Variants in NFYC observed in about 807,000 individuals in gnomAD.
The protein encoded by NFYC is CAAT box DNA-binding protein subunit C.
A neutral mutation model predicts 53.1 loss-of-function variants in NFYC; 25 were observed. The observed-to-expected ratio is 0.47, with a 90% CI of 0.34 to 0.66. The LOEUF is 0.66. Ranked by LOEUF, NFYC falls within the 30% of genes least tolerant of loss-of-function variation. The probability of loss-of-function intolerance (pLI) is 0.01; values close to 1 mark genes in which losing one functional copy is unlikely to be tolerated. For synonymous variants in NFYC, 145 were observed against 152.6 expected, an observed-to-expected ratio of 0.95 and a Z score of 0.37; for missense variants, 260 against 422.7, an observed-to-expected ratio of 0.62 and a Z score of 3.38.
chr1:40,754,429 T>G (rs1485494658), intron 5 of NFYC: 1 of 534,030 alleles, frequency 1.9e-6, no homozygotes, highest in Non-Finnish European at 3.8e-6. Flanking sequence ...GTCGGATGTT[T>G]ACAGCGGCAG....
chr1:40,726,658 C>G (rs1644533657), intron 1 of NFYC, among the ~76,000 whole-genome samples: 1 of 152,144 alleles, frequency 6.6e-6, no homozygotes, highest in South Asian at 2.1e-4. Flanking sequence ...CTGAAGTGAT[C>G]CTCTTGCCCT....
At chr1:40,706,899 G>T (rs1199863162) in intron 1 of NFYC, among the ~76,000 whole-genome samples, 1 of 152,188 alleles carries the variant, frequency 6.6e-6, no homozygotes. Context: ...GCCGGGCGTG[G>T]TGGCTCATGC....
At chr1:40,740,657 A>G (rs1253405715) in intron 2 of NFYC, among the ~76,000 whole-genome samples, 3 of 152,334 alleles carry the variant, frequency 2.0e-5, no homozygotes, top group East Asian at 1.9e-4. Flanking sequence ...GAAGGGAGGA[A>G]TAAATGAAAT....
intron 1 of NFYC, among the ~76,000 whole-genome samples, chr1:40,737,728 C>T (rs928514062): frequency 5.3e-5 from 8 of 151,998 alleles, no homozygotes; most frequent in South Asian, 2.1e-4. Flanking sequence ...AAGAACTGGG[C>T]GAACTGGCAA....
chr1:40,722,987 A>ATT (rs1172767033), intron 1 of NFYC, among the ~76,000 whole-genome samples: 1 of 152,226 alleles, frequency 6.6e-6, no homozygotes, highest in African/African-American at 2.4e-5. Flanking sequence ...GAGCTTTTGC[A>ATT]TTTTGACTCA....
chr1:40,710,410 C>G (rs1643893126), intron 1 of NFYC, among the ~76,000 whole-genome samples: 1 of 152,042 alleles, frequency 6.6e-6, no homozygotes, highest in African/African-American at 2.4e-5. Context: ...TATCTTTTGC[C>G]CTTGATATGT....
At chr1:40,757,231 C>G (rs929006258) in intron 5 of NFYC, 1 of 424,200 alleles carries the variant, frequency 2.4e-6, no homozygotes, top group Non-Finnish European at 5.2e-6. Flanking sequence ...GGATCAGACG[C>G]CGTTCTGTGT....
rs190265961 is a variant in NFYC, at chr1:40,730,624, A to G, written c.-8-8212A>G. 25 of 984,246 alleles carry G rather than the reference A, an allele frequency of 2.5e-5. No homozygotes were observed. In the East Asian group the frequency reaches 1.9e-3, roughly 76 times the overall value. 61.0% of individuals were successfully genotyped at this position (984,246 alleles called of 1,614,324 possible). On this transcript the variant is annotated intron_variant, in intron 1 of 9. Coordinates refer to ENST00000447388, the MANE Select transcript of NFYC (RefSeq NM_014223.5). ...TGAAGAAGGTAAGTGCCTTGATCAT[A>G]GAGAGATACTTGTTGACATGTTAAG... is the stretch of plus-strand genomic sequence containing the variant.
In NFYC at chr1:40,748,460, G is replaced by C. The variant is rs567373217; in HGVS notation, c.177+855G>C. 5.9e-5 allele frequency among the ~76,000 whole-genome samples: 9 copies of C among 152,260 alleles called. 1 individual carries two copies. Among genetic ancestry groups the C allele is most frequent in the African/African-American group, 2.2e-4 (9 of 41,550 alleles). On this transcript the variant is annotated intron_variant, in intron 3 of 9. Coordinates refer to ENST00000447388, the MANE Select transcript of NFYC (RefSeq NM_014223.5). ...CTGGTATCTCACAGTTCTGTTCACAGTGTAGTATATACATGTATCATCAAA... is the reference window on the plus strand; with the variant it reads ...CTGGTATCTCACAGTTCTGTTCACACTGTAGTATATACATGTATCATCAAA...
chr1:40,730,880 G>T (rs1254594610), intron 1 of NFYC, among the ~76,000 whole-genome samples: 2 of 152,212 alleles, frequency 1.3e-5, no homozygotes, highest in Non-Finnish European at 2.9e-5. Flanking sequence ...AGACAATGTT[G>T]TTTGATTATA....
At position 40,738,878 on chromosome 1, in the gene NFYC, GC is replaced by G; in HGVS notation, c.36del (p.Ser12ArgfsTer22). On this transcript the variant is annotated frameshift_variant, in exon 2 of 10. Coordinates refer to ENST00000447388, the MANE Select transcript of NFYC (RefSeq NM_014223.5). LOFTEE classifies it high-confidence loss of function. ...STEGGFGGTS[S>X]SDAQQSLQSF... Reference sequence around the variant, plus strand: ...GAAGGAGGATTTGGTGGTACTAGCAGCAGTGATGCCCAGCAAAGCCTACAGT... The same window carrying G: ...GAAGGAGGATTTGGTGGTACTAGCAGAGTGATGCCCAGCAAAGCCTACAGT... The G allele has an allele frequency of 6.2e-7, 1 of 1,614,126 alleles. No homozygotes were observed. The highest frequency in any genetic ancestry group is 1.1e-5 in the South Asian group (1 of 91,084).
At chr1:40,732,629 G>A (rs1387703643) in intron 1 of NFYC, among the ~76,000 whole-genome samples, 1 of 152,200 alleles carries the variant, frequency 6.6e-6, no homozygotes, top group African/African-American at 2.4e-5. Flanking sequence ...TGGCCAGGCA[G>A]AGGTATTTAT....
chr1:40,763,863 G>A (rs987262945), intron 7 of NFYC, among the ~76,000 whole-genome samples: 1 of 152,172 alleles, frequency 6.6e-6, no homozygotes, highest in Non-Finnish European at 1.5e-5. Context: ...AGGCCCAAAG[G>A]CCCTGTGAGG....
chr1:40,730,613 G>C (rs1257442172), intron 1 of NFYC: 3 of 984,930 alleles, frequency 3.0e-6, no homozygotes, highest in South Asian at 4.7e-5. Flanking sequence ...GAAGGTAAGT[G>C]CCTTGATCAT....
intron 1 of NFYC, among the ~76,000 whole-genome samples, chr1:40,730,352 A>C (rs1289115068): frequency 6.6e-6 from 1 of 151,834 alleles, no homozygotes; most frequent in Admixed American, 6.6e-5. Flanking sequence ...TTAGCTTTTA[A>C]GTGAAAGATG....
rs917342368 is a variant in NFYC, at chr1:40,749,769, G to A, written c.291+83G>A. The A allele has an allele frequency of 3.5e-6, 4 of 1,141,724 alleles. No individual in the cohort carries two copies. The African/African-American group carries it at 6.2e-5, about 18-fold the overall frequency. The allele number at this position is 1,141,724 out of a possible 1,614,324, so 70.7% of individuals were successfully genotyped here. On this transcript the variant is annotated intron_variant, in intron 4 of 9. Transcript: ENST00000447388. ...TCCTGCGTGGTGTTGGAGAAAGATT[G>A]TTCTCCTTTAGGACCAAAGATTGTT...
At chr1:40,708,239 A>G (rs1415665958) in intron 1 of NFYC, among the ~76,000 whole-genome samples, 1 of 152,218 alleles carries the variant, frequency 6.6e-6, no homozygotes, top group Non-Finnish European at 1.5e-5. Context: ...GCTTGAGCCC[A>G]GGAGTTTGAG....
At chr1:40,704,995 G>C (rs911480754) in intron 1 of NFYC, among the ~76,000 whole-genome samples, 11 of 152,198 alleles carry the variant, frequency 7.2e-5, no homozygotes, top group African/African-American at 2.7e-4. Flanking sequence ...CAAGGAAGTT[G>C]AATTGGATGA....
intron 1 of NFYC, among the ~76,000 whole-genome samples, chr1:40,697,681 C>T (rs1002357899): frequency 1.3e-5 from 2 of 152,046 alleles, no homozygotes; most frequent in East Asian, 1.9e-4. Context: ...GAAGTAGGAC[C>T]GTTGGTTTGG....
Sources: allele counts gnomAD v4.1 joint callset (sites outside exome capture counted in the v4.1 genomes callset), GRCh38; gene constraint gnomAD v4.1.1; transcripts MANE v1.5; gene names NCBI Gene and HGNC (gene_info 2026-07-23, HGNC 2026-07-21).